The following SGIP1 variants were observed in gnomAD, a reference collection of about 807,000 sequenced individuals.
The protein encoded by SGIP1 is SH3GL interacting endocytic adaptor 1, also known as SH3-containing GRB2-like protein 3-interacting protein 1.
SGIP1 carries 38 observed loss-of-function variants against 107.5 expected under a neutral mutation model. The ratio of observed to expected loss-of-function variants is 0.35; its 90% confidence interval spans 0.27 to 0.46. The LOEUF (loss-of-function observed/expected upper bound fraction) is 0.46, where lower values mean the gene tolerates loss of function less well. Among genes scored for constraint, SGIP1 ranks in the 20% least tolerant of loss-of-function variants. SGIP1 has a pLI of 1.00. For missense variants in SGIP1, 929 were observed against 1,019.5 expected (o/e 0.91, Z 1.21); for synonymous variants, 365 against 366.1 (o/e 1.00, Z 0.03).
intron 1 of SGIP1, among the ~76,000 whole-genome samples, chr1:66,591,236 T>A (rs563125133): frequency 2.9e-4 from 44 of 152,310 alleles, no homozygotes; most frequent in African/African-American, 1.1e-3. Context: ...AACAATGCCA[T>A]ATTCCTGCTA....
chr1:66,604,651 G>A (rs759447959), intron 1 of SGIP1, among the ~76,000 whole-genome samples: 1 of 152,172 alleles, frequency 6.6e-6, no homozygotes, highest in Non-Finnish European at 1.5e-5. Flanking sequence ...TTGGGATGAT[G>A]AAGTATGTGA....
At chr1:66,729,905 G>A (rs113175966) in intron 20 of SGIP1, among the ~76,000 whole-genome samples, 1 of 152,148 alleles carries the variant, frequency 6.6e-6, no homozygotes. Flanking sequence ...GGGTTCAAGT[G>A]GTTCTCCTGC....
chr1:66,671,877 T>C, intron 10 of SGIP1, 67 bp from the exon 11 acceptor site: 2 of 1,444,380 alleles, frequency 1.4e-6, no homozygotes, highest in Admixed American at 1.7e-5. Flanking sequence ...TTTCCAAACA[T>C]AGGTTATAAG....
chr1:66,731,330 T>A lies in SGIP1; in HGVS notation c.1898+1911T>A, dbSNP rs1006571818. Among the ~76,000 whole-genome samples, 5 of 152,334 alleles carry A rather than the reference T, an allele frequency of 3.3e-5. No homozygotes were observed. The East Asian group carries it at 9.6e-4, about 29-fold the overall frequency. On this transcript the variant is annotated intron_variant, in intron 20 of 24. Transcript: ENST00000371037. ...ATTATGTGCCAATATCTTGCCAGTT[T>A]GTTTGTAAATATGACTGGTGTCATA...
At chr1:66,734,507 T>G (rs895795049) in intron 21 of SGIP1, among the ~76,000 whole-genome samples, 5 of 147,130 alleles carry the variant, frequency 3.4e-5, no homozygotes, top group African/African-American at 7.4e-5. Context: ...TTTTTTTGGT[T>G]TTTTTTTTTT....
intron 8 of SGIP1, among the ~76,000 whole-genome samples, chr1:66,661,461 G>A (rs1261663984): frequency 6.6e-6 from 1 of 152,152 alleles, no homozygotes; most frequent in East Asian, 1.9e-4. Flanking sequence ...ATAGGAGGGA[G>A]GCGGAACAGA....
intron 1 of SGIP1, among the ~76,000 whole-genome samples, chr1:66,591,547 T>C (rs1419868683): frequency 6.6e-6 from 1 of 152,194 alleles, no homozygotes; most frequent in African/African-American, 2.4e-5. Context: ...TCCCCCATTA[T>C]CAACATCCCC....
intron 12 of SGIP1, among the ~76,000 whole-genome samples, chr1:66,675,247 G>A (rs769427871): frequency 6.6e-6 from 1 of 152,158 alleles, no homozygotes; most frequent in African/African-American, 2.4e-5. Flanking sequence ...TGAAGAAAAT[G>A]CTGCTTCGTA....
rs775262923 is a variant in SGIP1 at position 66,625,955 on chromosome 1, A to G, written c.74+45A>G. 7 of 1,508,022 alleles carry G rather than the reference A, an allele frequency of 4.6e-6. No individual in the cohort carries two copies. The African/African-American group carries it at 9.6e-5, about 21-fold the overall frequency. The allele number at this position is 1,508,022 out of a possible 1,614,324, so 93.4% of individuals were successfully genotyped here. ...GCCTCCTCGAAGAAGCTATTTGCATAAGAGATGCTCTTATCACAGTCAATA... is the reference window on the plus strand; with the variant it reads ...GCCTCCTCGAAGAAGCTATTTGCATGAGAGATGCTCTTATCACAGTCAATA... On this transcript the variant is annotated intron_variant, in intron 2 of 24. Coordinates refer to ENST00000371037, the MANE Select transcript of SGIP1 (RefSeq NM_032291.4).
At chr1:66,707,395 T>C (rs980144597) in intron 18 of SGIP1, among the ~76,000 whole-genome samples, 4 of 152,196 alleles carry the variant, frequency 2.6e-5, no homozygotes, top group Non-Finnish European at 5.9e-5. Flanking sequence ...ATGATTTTTC[T>C]ATACCACATA....
chr1:66,642,274 C>A (rs937718593), intron 5 of SGIP1, among the ~76,000 whole-genome samples: 1 of 152,126 alleles, frequency 6.6e-6, no homozygotes, highest in African/African-American at 2.4e-5. Flanking sequence ...TGTCCACTCC[C>A]ATCTTGGTGT....
chr1:66,568,020 G>GT (rs1223606222), intron 1 of SGIP1, among the ~76,000 whole-genome samples: 3 of 152,078 alleles, frequency 2.0e-5, no homozygotes, highest in Admixed American at 2.0e-4. Context: ...ATTTAAAGTA[G>GT]TTTTTTCTGA....
chr1:66,602,838 C>A (rs1436489716), intron 1 of SGIP1, among the ~76,000 whole-genome samples: 1 of 152,184 alleles, frequency 6.6e-6, no homozygotes, highest in Non-Finnish European at 1.5e-5. Context: ...ACATTTAGCT[C>A]ATGGCAATAC....
At chr1:66,667,688 C>A (rs2082871497) in intron 9 of SGIP1, 147 bp downstream of exon 9, 1 of 724,736 alleles carries the variant, frequency 1.4e-6, no homozygotes, top group South Asian at 1.6e-5. Flanking sequence ...AAGCCTCTGA[C>A]CCTCTTAAGT....
At chr1:66,659,609 C>G (rs1340872948) in intron 7 of SGIP1, among the ~76,000 whole-genome samples, 1 of 151,994 alleles carries the variant, frequency 6.6e-6, no homozygotes, top group Non-Finnish European at 1.5e-5. Flanking sequence ...TAAAAGTAAA[C>G]CATTCAAAAG....
chr1:66,623,757 G>C (rs1263150943), intron 1 of SGIP1, among the ~76,000 whole-genome samples: 3 of 152,192 alleles, frequency 2.0e-5, no homozygotes, highest in African/African-American at 7.2e-5. Flanking sequence ...TGGCTGATTT[G>C]TTATAGGCTG....
intron 2 of SGIP1, among the ~76,000 whole-genome samples, chr1:66,627,767 C>A (rs1273124308): frequency 6.6e-6 from 1 of 151,986 alleles, no homozygotes; most frequent in Non-Finnish European, 1.5e-5. Flanking sequence ...CTTTCTTATA[C>A]TTTAAGTTCT....
At chr1:66,553,722 A>G (rs1183217523) in intron 1 of SGIP1, among the ~76,000 whole-genome samples, 1 of 152,002 alleles carries the variant, frequency 6.6e-6, no homozygotes, top group East Asian at 1.9e-4. Context: ...AATTTGATTA[A>G]GAGCTACAGG....
chr1:66,592,949 G>T (rs1570251915), intron 1 of SGIP1, among the ~76,000 whole-genome samples: 1 of 97,986 alleles, frequency 1.0e-5, no homozygotes, highest in African/African-American at 4.1e-5. Flanking sequence ...TCACCACATT[G>T]CCCAGGCTGA....
Sources: gnomAD v4.1 joint callset for allele counts (sites outside exome capture counted in the v4.1 genomes callset) on GRCh38, gnomAD v4.1.1 for gene constraint, MANE v1.5 for transcripts, NCBI Gene and HGNC (gene_info 2026-07-23, HGNC 2026-07-21) for gene names.